ZPBP: variants seen among roughly 807,000 people sequenced by gnomAD.
The protein encoded by ZPBP is zona pellucida binding protein.
Under a neutral mutation model 44.8 loss-of-function variants are expected in ZPBP, and 26 were observed. The observed-to-expected ratio is 0.58, with a 90% confidence interval of 0.43 to 0.81. The LOEUF is 0.81. Ranked by LOEUF, ZPBP falls within the 30% of genes least tolerant of loss-of-function variation. The probability of loss-of-function intolerance (pLI) is 0.00; values close to 1 mark genes in which losing one functional copy is unlikely to be tolerated. For synonymous variants in ZPBP, 174 were observed against 153.2 expected (o/e 1.14, Z -1.00); for missense variants, 409 against 434.0 (o/e 0.94, Z 0.51).
At chr7:49,935,553 C>G (rs1350527807), downstream of ZPBP, among the ~76,000 whole-genome samples, 1 of 152,134 alleles carries the variant, frequency 6.6e-6, no homozygotes, top group African/African-American at 2.4e-5. Context: ...CACACACCAC[C>G]ACGCCCGGCT....
chr7:49,947,065 G>A (rs1227441105), intron 7 of ZPBP, among the ~76,000 whole-genome samples: 1 of 151,864 alleles, frequency 6.6e-6, no homozygotes, highest in Non-Finnish European at 1.5e-5. Flanking sequence ...CAATTTCTTT[G>A]TTAAATTTAT....
intron 1 of ZPBP, chr7:49,915,925 T>C (rs1197049190): frequency 6.6e-6 from 1 of 152,198 alleles, no homozygotes; most frequent in Non-Finnish European, 1.5e-5. Context: ...CTACTATATT[T>C]TTTTTCCTCA....
intron 2 of ZPBP, among the ~76,000 whole-genome samples, chr7:49,878,564 G>A (rs917868027): frequency 2.0e-5 from 3 of 151,962 alleles, no homozygotes; most frequent in South Asian, 2.1e-4. Context: ...CTCAACGCTC[G>A]GTCTACTTTT....
At chr7:49,950,355 T>C (rs548247924) in intron 7 of ZPBP, among the ~76,000 whole-genome samples, 39 of 151,876 alleles carry the variant, frequency 2.6e-4, no homozygotes, top group African/African-American at 8.7e-4. Context: ...AACACAAAAA[T>C]ATAAGTTTAA....
intron 7 of ZPBP, 151 bp from the exon 8 acceptor site, chr7:49,937,773 A>G: frequency 1.5e-6 from 1 of 651,614 alleles, no homozygotes; most frequent in Admixed American, 2.5e-5. Context: ...TCATCTTGCA[A>G]AACTGCAACT....
At chr7:49,981,666 T>TTAC (rs1283125535) in intron 7 of ZPBP, among the ~76,000 whole-genome samples, 2 of 61,716 alleles carry the variant, frequency 3.2e-5, no homozygotes, top group Non-Finnish European at 5.0e-5. Context: ...ATAAAATATA[T>TTAC]ATTATATATT....
intron 7 of ZPBP, among the ~76,000 whole-genome samples, chr7:49,970,466 C>CTTTTTTTTTTTTTTTTTTTTTTTTTT (rs771955717): frequency 1.2e-5 from 1 of 85,200 alleles, no homozygotes; most frequent in African/African-American, 4.8e-5. Flanking sequence ...GCTGAATATA[C>CTTTTTTTTTTTTTTTTTTTTTTTTTT]TTTTTTTTTT....
chr7:49,914,167 G>A (rs1483390887), intron 1 of ZPBP: 1 of 152,200 alleles, frequency 6.6e-6, no homozygotes, highest in African/African-American at 2.4e-5. Flanking sequence ...CCATGGGTAG[G>A]TGGGCCATTA....
intron 2 of ZPBP, among the ~76,000 whole-genome samples, chr7:49,885,876 G>A (rs976435391): frequency 6.6e-6 from 1 of 152,266 alleles, no homozygotes; most frequent in Admixed American, 6.5e-5. Flanking sequence ...TAGGGCTACA[G>A]GCCCTTGGCA....
chr7:49,943,309 A>G, intron 7 of ZPBP: 2 of 283,796 alleles, frequency 7.0e-6, no homozygotes, highest in Middle Eastern at 1.0e-3. Flanking sequence ...CTTTTAGCAC[A>G]ATGTCTGTCT....
At chr7:49,919,323 A>C (rs2128746273) in intron 1 of ZPBP, 1 of 152,316 alleles carries the variant, frequency 6.6e-6, no homozygotes, top group Non-Finnish European at 1.5e-5. Flanking sequence ...CCTTAAACTA[A>C]TAAAAAAAGC....
Position 50,057,998 on chromosome 7 carries a change from C to T in ZPBP, c.478G>A (p.Ala160Thr), listed in dbSNP as rs996894527. Residue 160 changes from alanine (A) to threonine (T), a missense_variant, in exon 4 of 8, where the codon GCT becomes ACT. Physicochemically the swap from Ala to Thr is moderately conservative, Grantham distance 58. Coordinates refer to ENST00000046087, the MANE Select transcript of ZPBP (RefSeq NM_007009.3). ...EIVKRLQLKY[A>T]IYAYREPHYY... is the part of the protein sequence containing the mutation. ...TAACTTTACTTCTTACCATATATAG[C>T]ATATTTTAGTTGAAGACGTTTAACA... 2.5e-6 allele frequency: 4 copies of T among 1,609,988 alleles called. No individual in the cohort carries two copies. The highest frequency in any genetic ancestry group is 3.3e-5 in the Admixed American group (2 of 59,950).
chr7:49,985,258 A>G (rs991973237), intron 6 of ZPBP, among the ~76,000 whole-genome samples: 1 of 152,178 alleles, frequency 6.6e-6, no homozygotes. Context: ...TCAATGTTTA[A>G]TATTAAAAAT....
At chr7:49,851,970 AG>A (rs1286530274) in intron 2 of ZPBP, among the ~76,000 whole-genome samples, 24 of 152,310 alleles carry the variant, frequency 1.6e-4, no homozygotes, top group African/African-American at 5.8e-4. Context: ...AAGGACTGCT[AG>A]GCAGTGAAGA....
At chr7:49,852,369 G>A (rs1426508199) in intron 2 of ZPBP, among the ~76,000 whole-genome samples, 1 of 152,228 alleles carries the variant, frequency 6.6e-6, no homozygotes, top group Non-Finnish European at 1.5e-5. Context: ...GCAGGCATGA[G>A]CTGGTGGTTG....
chr7:49,964,478 TCAG>T (rs940304641), intron 7 of ZPBP, among the ~76,000 whole-genome samples: 4 of 152,028 alleles, frequency 2.6e-5, no homozygotes, highest in Non-Finnish European at 5.9e-5. Context: ...CATTTTTATA[TCAG>T]CAGCCAACAA....
intron 3 of ZPBP, among the ~76,000 whole-genome samples, chr7:50,072,050 G>A (rs568384448): frequency 6.6e-6 from 1 of 152,296 alleles, no homozygotes; most frequent in South Asian, 2.1e-4. Flanking sequence ...ACACAGACGG[G>A]GAGAGCAACA....
intron 2 of ZPBP, among the ~76,000 whole-genome samples, chr7:49,863,332 TTC>T (rs1435393855): frequency 6.6e-6 from 1 of 152,234 alleles, no homozygotes; most frequent in Non-Finnish European, 1.5e-5. Context: ...AATTTGTATC[TTC>T]TCTCTTTTTA....
At chr7:49,876,573 AC>A (rs1791421959) in intron 2 of ZPBP, among the ~76,000 whole-genome samples, 2 of 152,210 alleles carry the variant, frequency 1.3e-5, no homozygotes, top group South Asian at 4.1e-4. Flanking sequence ...TCAATTAAAT[AC>A]CTACTTGGAG....
Sources: allele counts gnomAD v4.1 joint callset (sites outside exome capture counted in the v4.1 genomes callset), GRCh38; gene constraint gnomAD v4.1.1; transcripts MANE v1.5; gene names NCBI Gene and HGNC (gene_info 2026-07-23, HGNC 2026-07-21).